Variants in ATXN7L1 observed in about 807,000 individuals in gnomAD.
ATXN7L1 encodes ataxin 7 like 1.
A neutral mutation model predicts 70.8 loss-of-function variants in ATXN7L1; 15 were observed. That is an observed-to-expected ratio of 0.21 (90% confidence interval 0.14 to 0.33). The LOEUF is 0.33. ATXN7L1 is among the 10% of genes least tolerant of loss of function. The probability of loss-of-function intolerance (pLI) is 1.00; values close to 1 mark genes in which losing one functional copy is unlikely to be tolerated. For missense variants in ATXN7L1, 975 were observed against 1,097.1 expected (o/e 0.89, Z 1.57); for synonymous variants, 440 against 445.1 (o/e 0.99, Z 0.14).
chr7:105,739,828 C>T (rs1797810010), intron 3 of ATXN7L1, among the ~76,000 whole-genome samples: 1 of 152,296 alleles, frequency 6.6e-6, no homozygotes, highest in Middle Eastern at 3.4e-3. Context: ...GCAACATGAC[C>T]TCTAGGTCTT....
At chr7:105,695,008 G>T (rs769512223) in intron 3 of ATXN7L1, among the ~76,000 whole-genome samples, 7 of 152,214 alleles carry the variant, frequency 4.6e-5, no homozygotes, top group Non-Finnish European at 8.8e-5. Context: ...AAAATTAGTT[G>T]GGCGTGGTGG....
chr7:105,727,773 T>C lies in ATXN7L1; in HGVS notation c.355+60831A>G, dbSNP rs1256134383. On this transcript the variant is annotated intron_variant, in intron 3 of 11. Transcript: ENST00000419735. ...ATATATATATATATATATATATATATATATACACACACATACACACATATA... is the reference window on the plus strand; with the variant it reads ...ATATATATATATATATATATATATACATATACACACACATACACACATATA... Among the ~76,000 whole-genome samples, 30 of 124,216 alleles carry C rather than the reference T, an allele frequency of 2.4e-4. 1 individual carries two copies. Among genetic ancestry groups the C allele is most frequent in the African/African-American group, 9.6e-4 (30 of 31,390 alleles). 81.5% of individuals were successfully genotyped at this position (124,216 alleles called of 152,430 possible).
chr7:105,630,385 A>T (rs1162934939), intron 7 of ATXN7L1, among the ~76,000 whole-genome samples: 1 of 152,112 alleles, frequency 6.6e-6, no homozygotes, highest in East Asian at 1.9e-4. Flanking sequence ...CATCCATTTA[A>T]CTCCTAAACC....
chr7:105,784,406 T>C (rs1803967339), intron 3 of ATXN7L1, among the ~76,000 whole-genome samples: 1 of 151,702 alleles, frequency 6.6e-6, no homozygotes, highest in Non-Finnish European at 1.5e-5. Context: ...TAACCACAAA[T>C]TTCTGAAGTC....
rs115427082 is a variant in ATXN7L1, at chr7:105,848,105, A to G, written c.250+27707T>C. ...TGGAAAATTAAGCAAAAACCATGAA[A>G]AAGCAACTCATATAAGAACATACAC... is the stretch of plus-strand genomic sequence containing the variant. On this transcript the variant is annotated intron_variant, in intron 2 of 11. Coordinates refer to ENST00000419735, the MANE Select transcript of ATXN7L1 (RefSeq NM_020725.2). Among the ~76,000 whole-genome samples the G allele has an allele frequency of 1.7e-3, 259 of 152,372 alleles. 1 individual carries two copies. Among genetic ancestry groups the G allele is most frequent in the African/African-American group, 6.1e-3 (255 of 41,576 alleles).
chr7:105,719,483 T>C (rs1002864706), intron 3 of ATXN7L1, among the ~76,000 whole-genome samples: 2 of 152,142 alleles, frequency 1.3e-5, no homozygotes, highest in Non-Finnish European at 2.9e-5. Flanking sequence ...CCTAAATTCA[T>C]GTATAACCTT....
intron 4 of ATXN7L1, among the ~76,000 whole-genome samples, chr7:105,656,454 G>T (rs1272570599): frequency 6.6e-6 from 1 of 152,354 alleles, no homozygotes; most frequent in East Asian, 1.9e-4. Context: ...AGTGGAAGGG[G>T]CCTCTGAGAG....
intron 2 of ATXN7L1, among the ~76,000 whole-genome samples, chr7:105,863,997 T>A (rs1817014510): frequency 1.3e-5 from 2 of 152,070 alleles, no homozygotes; most frequent in Admixed American, 1.3e-4. Context: ...TGAACCTGGA[T>A]CTATAGAATC....
At chr7:105,714,999 T>C (rs1794369820) in intron 3 of ATXN7L1, among the ~76,000 whole-genome samples, 1 of 152,180 alleles carries the variant, frequency 6.6e-6, no homozygotes, top group African/African-American at 2.4e-5. Context: ...CTCTGAGACC[T>C]CCTGACTGGG....
intron 7 of ATXN7L1, among the ~76,000 whole-genome samples, chr7:105,636,283 T>C (rs1436726386): frequency 6.6e-6 from 1 of 151,550 alleles, no homozygotes; most frequent in African/African-American, 2.4e-5. Flanking sequence ...TAATCCCAGC[T>C]ACTTGGGAGG....
intron 3 of ATXN7L1, among the ~76,000 whole-genome samples, chr7:105,769,431 C>G (rs1801696086): frequency 6.6e-6 from 1 of 152,108 alleles, no homozygotes; most frequent in African/African-American, 2.4e-5. Context: ...CTCTCTTATC[C>G]CACCACTCAG....
At chr7:105,751,081 T>A (rs2116386526) in intron 3 of ATXN7L1, among the ~76,000 whole-genome samples, 1 of 152,258 alleles carries the variant, frequency 6.6e-6, no homozygotes, top group Middle Eastern at 3.4e-3. Context: ...TGCTGAACAT[T>A]TTTCTATTTC....
chr7:105,842,886 T>C (rs1201811228), intron 2 of ATXN7L1, among the ~76,000 whole-genome samples: 2 of 152,164 alleles, frequency 1.3e-5, no homozygotes, highest in African/African-American at 4.8e-5. Context: ...AAAATATATA[T>C]AGTATTATAG....
intron 3 of ATXN7L1, among the ~76,000 whole-genome samples, chr7:105,783,593 T>C (rs1243761416): frequency 6.6e-6 from 1 of 152,162 alleles, no homozygotes; most frequent in Admixed American, 6.5e-5. Flanking sequence ...TTTAAAGAGA[T>C]TCCAGATGGG....
intron 3 of ATXN7L1, among the ~76,000 whole-genome samples, chr7:105,717,706 T>C (rs754939834): frequency 1.3e-5 from 2 of 152,212 alleles, no homozygotes; most frequent in Non-Finnish European, 2.9e-5. Context: ...TTTTTCCTCA[T>C]GACCACTGGG....
intron 3 of ATXN7L1, among the ~76,000 whole-genome samples, chr7:105,749,557 G>A (rs1374269563): frequency 6.6e-6 from 1 of 151,260 alleles, no homozygotes; most frequent in Non-Finnish European, 1.5e-5. Context: ...CCAGGAGGCA[G>A]AGGTTGCAGT....
rs542802273 is a variant in ATXN7L1 at position 105,791,642 on chromosome 7, C to T, written c.251-2934G>A. On this transcript the variant is annotated intron_variant, in intron 2 of 11. Transcript: ENST00000419735. ...GATACATTTGAAAAAATACAGAAAA[C>T]CTAGAAGAAATTAAAGAAAAATACC... Among the ~76,000 whole-genome samples, 11 of 152,144 alleles carry T rather than the reference C, an allele frequency of 7.2e-5. No individual in the cohort carries two copies. The South Asian group carries it at 1.5e-3, about 20-fold the overall frequency.
At chr7:105,777,435 C>T (rs1351961119) in intron 3 of ATXN7L1, among the ~76,000 whole-genome samples, 1 of 152,224 alleles carries the variant, frequency 6.6e-6, no homozygotes, top group Admixed American at 6.5e-5. Flanking sequence ...TCTTACTCAA[C>T]CTCTTGGCAT....
intron 2 of ATXN7L1, among the ~76,000 whole-genome samples, chr7:105,817,036 A>G (rs1017839665): frequency 1.4e-4 from 21 of 152,204 alleles, no homozygotes; most frequent in African/African-American, 4.8e-4. Context: ...AAAAAGCAAC[A>G]TTTTCCCATC....
Sources: gnomAD v4.1 joint callset for allele counts (sites outside exome capture counted in the v4.1 genomes callset) on GRCh38, gnomAD v4.1.1 for gene constraint, MANE v1.5 for transcripts, NCBI Gene and HGNC (gene_info 2026-07-23, HGNC 2026-07-21) for gene names.